Variants in AIG1 observed in about 807,000 individuals in gnomAD.
AIG1 encodes androgen-induced gene 1 protein.
In AIG1, 23 loss-of-function variants were observed where a neutral mutation model predicts 31.4. The ratio of observed to expected loss-of-function variants is 0.73; its 90% CI spans 0.53 to 1.04. AIG1 has a LOEUF of 1.04. Among genes scored for constraint, AIG1 ranks in the 50% least tolerant of loss-of-function variants. The pLI is 0.00. For synonymous variants in AIG1, 100 were observed against 110.5 expected (o/e 0.90, Z 0.60); for missense variants, 274 against 295.0 (o/e 0.93, Z 0.52).
At chr6:143,210,926 A>C (rs1276751079) in intron 3 of AIG1, among the ~76,000 whole-genome samples, 1 of 152,328 alleles carries the variant, frequency 6.6e-6, no homozygotes, top group East Asian at 1.9e-4. Context: ...TTTGAACACC[A>C]AAAAGGTAGA....
At chr6:143,270,837 T>C (rs1439686992) in intron 3 of AIG1, among the ~76,000 whole-genome samples, 1 of 152,020 alleles carries the variant, frequency 6.6e-6, no homozygotes, top group Non-Finnish European at 1.5e-5. Flanking sequence ...GTATGTGTGC[T>C]TGTGTGTGTG....
In AIG1 at chr6:143,331,815, T is replaced by C. The variant is rs1262548572; in HGVS notation, c.516-1467T>C. Among the ~76,000 whole-genome samples the C allele has an allele frequency of 2.0e-5, 3 of 150,816 alleles. No individual in the cohort carries two copies. Among genetic ancestry groups the C allele is most frequent in the Non-Finnish European group, 4.4e-5 (3 of 67,808 alleles). Reference sequence around the variant, plus strand: ...CTCAGGTATAGATCCCCAGGTTTCCTGCCAAAAATGAGGTACATGTGTAGG... The same window carrying C: ...CTCAGGTATAGATCCCCAGGTTTCCCGCCAAAAATGAGGTACATGTGTAGG... On this transcript the variant is annotated intron_variant, in intron 4 of 5. Transcript: ENST00000357847. The surrounding 1 kb of genome is among the most constrained non-coding windows in gnomAD (Gnocchi z 4.1).
chr6:143,319,842 A>C (rs1419087907), intron 4 of AIG1, among the ~76,000 whole-genome samples: 1 of 152,194 alleles, frequency 6.6e-6, no homozygotes, highest in African/African-American at 2.4e-5. Context: ...ATGCCAAAAA[A>C]CAGGCAACAA....
chr6:143,275,079 T>G (rs77573457), intron 3 of AIG1, among the ~76,000 whole-genome samples: 2 of 152,346 alleles, frequency 1.3e-5, no homozygotes, highest in East Asian at 3.9e-4. Context: ...AAAGTTAGAC[T>G]AGCTTTCTTT....
At position 143,333,679 on chromosome 6, in the gene AIG1, A is replaced by G. The variant is rs1273060584; in HGVS notation, c.679+234A>G. Reference sequence around the variant, plus strand: ...AGTAAAACCTCCAAATCTAAAGAGGAAAGAGGCATGTCTATAAAATTTTAT... The same window carrying G: ...AGTAAAACCTCCAAATCTAAAGAGGGAAGAGGCATGTCTATAAAATTTTAT... On this transcript the variant is annotated intron_variant, in intron 5 of 5. Transcript: ENST00000357847. This position sits in a 1 kb window ranked among gnomAD's most constrained non-coding sequence, Gnocchi z 4.6. Among the ~76,000 whole-genome samples, 1 of 152,204 alleles carries G rather than the reference A, an allele frequency of 6.6e-6. No individual in the cohort carries two copies. The highest frequency in any genetic ancestry group is 1.5e-5 in the Non-Finnish European group (1 of 68,044).
intron 3 of AIG1, among the ~76,000 whole-genome samples, chr6:143,184,760 CT>C (rs1470474815): frequency 6.6e-6 from 1 of 152,194 alleles, no homozygotes; most frequent in Non-Finnish European, 1.5e-5. Context: ...CCAAGTTTAC[CT>C]TTCTCCAGAT....
At chr6:143,243,173 T>G (rs1407402161) in intron 3 of AIG1, among the ~76,000 whole-genome samples, 2 of 152,244 alleles carry the variant, frequency 1.3e-5, no homozygotes, top group African/African-American at 2.4e-5. Flanking sequence ...TTCTTTTCAG[T>G]ACTTGATAAA....
intron 3 of AIG1, among the ~76,000 whole-genome samples, chr6:143,207,539 C>G (rs1218379555): frequency 1.4e-5 from 2 of 147,456 alleles, no homozygotes; most frequent in Non-Finnish European, 2.9e-5. Flanking sequence ...CACACACACA[C>G]ACACACCCCT....
At chr6:143,090,615 G>A (rs1779218648) in intron 1 of AIG1, among the ~76,000 whole-genome samples, 1 of 152,302 alleles carries the variant, frequency 6.6e-6, no homozygotes, top group South Asian at 2.1e-4. Context: ...ACACTTTACT[G>A]TAATCTACCA....
chr6:143,262,330 G>A (rs1795838902), intron 3 of AIG1, among the ~76,000 whole-genome samples: 1 of 152,204 alleles, frequency 6.6e-6, no homozygotes. Flanking sequence ...GAAAATTGAA[G>A]GCTCCATCCG....
chr6:143,222,244 G>A (rs1437584281), intron 3 of AIG1, among the ~76,000 whole-genome samples: 1 of 152,192 alleles, frequency 6.6e-6, no homozygotes, highest in Non-Finnish European at 1.5e-5. Flanking sequence ...TGCTTGGTTA[G>A]TAAGGAACAT....
At chr6:143,247,842 C>T (rs1263916983) in intron 3 of AIG1, among the ~76,000 whole-genome samples, 1 of 152,200 alleles carries the variant, frequency 6.6e-6, no homozygotes, top group Non-Finnish European at 1.5e-5. Flanking sequence ...ATCAGACTGA[C>T]TGCTGGTAAA....
rs1240553004 is a variant in AIG1 at position 143,184,059 on chromosome 6, A to G, written c.399+18876A>G. Among the ~76,000 whole-genome samples the G allele has an allele frequency of 2.0e-5, 3 of 152,342 alleles. 1 individual carries two copies. In the South Asian group the frequency reaches 6.2e-4, roughly 32 times the overall value. On this transcript the variant is annotated intron_variant, in intron 3 of 5. Transcript: ENST00000357847. ...TATCATAGAACCACAGAATCCTAGAATCCTAAACTTGTGATTCTAAAGATC... is the reference window on the plus strand; with the variant it reads ...TATCATAGAACCACAGAATCCTAGAGTCCTAAACTTGTGATTCTAAAGATC...
intron 1 of AIG1, among the ~76,000 whole-genome samples, chr6:143,128,648 A>G (rs1022004637): frequency 1.3e-5 from 2 of 152,238 alleles, no homozygotes; most frequent in African/African-American, 2.4e-5. Context: ...GTGCATCTCC[A>G]TATAACTTTT....
At chr6:143,077,267 A>T (rs1481401646) in intron 1 of AIG1, among the ~76,000 whole-genome samples, 1 of 152,212 alleles carries the variant, frequency 6.6e-6, no homozygotes, top group African/African-American at 2.4e-5. Context: ...GTAAAATATT[A>T]TGTTACCCAG....
At chr6:143,240,528 G>A (rs1794164284) in intron 3 of AIG1, among the ~76,000 whole-genome samples, 1 of 152,150 alleles carries the variant, frequency 6.6e-6, no homozygotes, top group Non-Finnish European at 1.5e-5. Context: ...GGATAATGAA[G>A]TTATGACATC....
intron 3 of AIG1, among the ~76,000 whole-genome samples, chr6:143,225,293 G>T (rs1403016812): frequency 6.6e-6 from 1 of 152,066 alleles, no homozygotes; most frequent in Non-Finnish European, 1.5e-5. Flanking sequence ...TATTGTAGTT[G>T]ATCAGGTTCA....
chr6:143,229,784 C>CAA (rs751464049), intron 3 of AIG1, among the ~76,000 whole-genome samples: 13,796 of 80,382 alleles, frequency 0.17, 1,662 homozygotes, highest in East Asian at 0.4. Flanking sequence ...ACTCTCAGAA[C>CAA]AAAAAAAAAA....
At chr6:143,238,748 G>A (rs1007298852) in intron 3 of AIG1, among the ~76,000 whole-genome samples, 1 of 152,222 alleles carries the variant, frequency 6.6e-6, no homozygotes, top group African/African-American at 2.4e-5. Flanking sequence ...TGCCTAACAA[G>A]TAAATGCTAG....
Sources: gnomAD v4.1 joint callset for allele counts (sites outside exome capture counted in the v4.1 genomes callset) on GRCh38, gnomAD v4.1.1 for gene constraint, Gnocchi (gnomAD v3.1) non-coding constraint, MANE v1.5 for transcripts, NCBI Gene and HGNC (gene_info 2026-07-23, HGNC 2026-07-21) for gene names.